CDK6: variants seen among roughly 807,000 people sequenced by gnomAD.
CDK6 encodes cyclin-dependent kinase 6.
Under a neutral mutation model 37.1 loss-of-function variants are expected in CDK6, and 6 were observed. The ratio of observed to expected loss-of-function variants is 0.16; its 90% CI spans 0.09 to 0.32. The LOEUF is 0.32. Among genes scored for constraint, CDK6 ranks in the 10% least tolerant of loss-of-function variants. CDK6 has a pLI of 1.00. For synonymous variants in CDK6, 160 were observed against 161.3 expected (o/e 0.99, Z 0.06); for missense variants, 224 against 418.9 (o/e 0.53, Z 4.06).
chr7:92,750,909 T>A (rs1041413047), intron 3 of CDK6, among the ~76,000 whole-genome samples: 2 of 152,200 alleles, frequency 1.3e-5, no homozygotes, highest in African/African-American at 4.8e-5. Context: ...TAATAAGCCA[T>A]TCATTCCTAG....
chr7:92,780,716 G>A lies in CDK6; in HGVS notation c.234-5885C>T, dbSNP rs142591995. On this transcript the variant is annotated intron_variant, in intron 2 of 7. Coordinates refer to ENST00000424848, the MANE Select transcript of CDK6 (RefSeq NM_001145306.2). ...GCAGAGCTTGCAGTGAGCCGAGACCGTGCCACTGCACTCCATCCAGCCTGG... is the reference window on the plus strand; with the variant it reads ...GCAGAGCTTGCAGTGAGCCGAGACCATGCCACTGCACTCCATCCAGCCTGG... 1.7e-3 allele frequency among the ~76,000 whole-genome samples: 250 copies of A among 148,334 alleles called. 1 individual carries two copies. Among genetic ancestry groups the A allele is most frequent in the African/African-American group, 5.1e-3 (207 of 40,378 alleles).
chr7:92,682,540 G>A (rs966058667), intron 4 of CDK6, among the ~76,000 whole-genome samples: 3 of 152,168 alleles, frequency 2.0e-5, no homozygotes, highest in African/African-American at 7.2e-5. Context: ...CGGTCTACTA[G>A]GCCCAAAGCC....
intron 4 of CDK6, among the ~76,000 whole-genome samples, chr7:92,683,694 T>C (rs986183418): frequency 2.0e-5 from 3 of 149,080 alleles, no homozygotes; most frequent in Non-Finnish European, 4.4e-5. Context: ...ATTTATAGTC[T>C]ACAGAGGACT....
At chr7:92,832,118 G>T (rs1015273080) in intron 2 of CDK6, among the ~76,000 whole-genome samples, 2 of 152,146 alleles carry the variant, frequency 1.3e-5, no homozygotes, top group African/African-American at 2.4e-5. Flanking sequence ...AAGTTTCTAG[G>T]CATTCCTTTT....
chr7:92,665,107 G>A (rs886501649), intron 5 of CDK6, among the ~76,000 whole-genome samples: 2 of 152,136 alleles, frequency 1.3e-5, no homozygotes, highest in South Asian at 2.1e-4. Flanking sequence ...TTCTAAATGT[G>A]CATTTTATGT....
chr7:92,659,880 T>C (rs977028851), intron 5 of CDK6, among the ~76,000 whole-genome samples: 12 of 152,136 alleles, frequency 7.9e-5, no homozygotes, highest in African/African-American at 2.9e-4. Flanking sequence ...AGGGTCTTTT[T>C]AAATCTCAGA....
chr7:92,732,132 T>C (rs964252631), intron 3 of CDK6, among the ~76,000 whole-genome samples: 2 of 152,142 alleles, frequency 1.3e-5, no homozygotes, highest in African/African-American at 4.8e-5. Context: ...ATAATGAAAT[T>C]TTAGGCCAGG....
At chr7:92,763,416 G>C (rs1799505566) in intron 3 of CDK6, among the ~76,000 whole-genome samples, 1 of 152,184 alleles carries the variant, frequency 6.6e-6, no homozygotes, top group Non-Finnish European at 1.5e-5. Flanking sequence ...TAAATCATTA[G>C]TGTATATGAA....
intron 2 of CDK6, among the ~76,000 whole-genome samples, chr7:92,804,039 T>C (rs182378597): frequency 6.6e-6 from 1 of 152,280 alleles, no homozygotes; most frequent in East Asian, 1.9e-4. Context: ...TCATATAGAT[T>C]AGTGACATTT....
intron 5 of CDK6, among the ~76,000 whole-genome samples, chr7:92,635,190 T>C (rs1796141555): frequency 6.6e-6 from 1 of 152,168 alleles, no homozygotes; most frequent in African/African-American, 2.4e-5. Context: ...AAAAGATTAA[T>C]CCTAGCTCCC....
At position 92,628,502 on chromosome 7, in the gene CDK6, A is replaced by G. The variant is rs559397388; in HGVS notation, c.648-5416T>C. ...ACTGAATTTACTGCCCAGTTTGGCT[A>G]TAATTGGAACTCAATTAATACATGC... is the stretch of plus-strand genomic sequence containing the variant. On this transcript the variant is annotated intron_variant, in intron 5 of 7. Coordinates refer to ENST00000424848, the MANE Select transcript of CDK6 (RefSeq NM_001145306.2). 1.0e-3 allele frequency among the ~76,000 whole-genome samples: 159 copies of G among 152,240 alleles called. 1 individual carries two copies. The highest frequency in any genetic ancestry group is 6.0e-3 in the Admixed American group (92 of 15,276).
Position 92,759,111 on chromosome 7 carries a change from C to G in CDK6, c.369+15585G>C, listed in dbSNP as rs1799387813. Among the ~76,000 whole-genome samples the G allele has an allele frequency of 2.0e-5, 3 of 152,298 alleles. No individual in the cohort carries two copies. In the East Asian group the frequency reaches 5.8e-4, roughly 29 times the overall value. On this transcript the variant is annotated intron_variant, in intron 3 of 7. Coordinates refer to ENST00000424848, the MANE Select transcript of CDK6 (RefSeq NM_001145306.2). Reference sequence around the variant, plus strand: ...AATTGTATTTTAAAAGGCAATCCAGCAAGCAGCTGAATATAACACACACCC... The same window carrying G: ...AATTGTATTTTAAAAGGCAATCCAGGAAGCAGCTGAATATAACACACACCC...
In CDK6 at chr7:92,833,150, G is replaced by T. The variant is rs781673425; in HGVS notation, c.174C>A (p.Thr58=). 1 of 1,609,326 alleles carries T rather than the reference G, an allele frequency of 6.2e-7. No homozygotes were observed. Among genetic ancestry groups the T allele is most frequent in the African/African-American group, 1.3e-5 (1 of 74,976 alleles). ...GCCTCAGCACCGCCACCTCGCGGAT[G>T]GTGGAGAGCGGCATGCCCTCCTCGC... ...QTGEEGMPLS[T]IREVAVLRHL... The change falls in exon 2 of 8, where the codon ACC becomes ACA. Residue 58 remains threonine, a synonymous_variant. Transcript: ENST00000424848. This position sits in a 1 kb window ranked among gnomAD's most constrained non-coding sequence, Gnocchi z 6.1.
At chr7:92,643,078 G>C (rs988821178) in intron 5 of CDK6, among the ~76,000 whole-genome samples, 1 of 151,986 alleles carries the variant, frequency 6.6e-6, no homozygotes, top group Non-Finnish European at 1.5e-5. Flanking sequence ...GTAGAGACAG[G>C]GTTTGGCCAT....
intron 4 of CDK6, among the ~76,000 whole-genome samples, chr7:92,681,622 A>G (rs1359227006): frequency 1.3e-5 from 2 of 152,188 alleles, no homozygotes; most frequent in African/African-American, 4.8e-5. Context: ...TAGGAAAGCA[A>G]TGAGTTAAAT....
At chr7:92,701,409 C>T (rs1386102273) in intron 4 of CDK6, among the ~76,000 whole-genome samples, 1 of 146,100 alleles carries the variant, frequency 6.8e-6, no homozygotes, top group Non-Finnish European at 1.5e-5. Flanking sequence ...AGCTTACACA[C>T]TTTTTTTTTT....
chr7:92,608,351 T>C lies in CDK6; in HGVS notation c.*6789A>G, dbSNP rs1795477778. 8.6e-6 allele frequency: 2 copies of C among 231,874 alleles called. No individual in the cohort carries two copies. The highest frequency in any genetic ancestry group is 1.2e-4 in the East Asian group (2 of 16,270). 14.4% of individuals were successfully genotyped at this position (231,874 alleles called of 1,614,324 possible). Reference sequence around the variant, plus strand: ...ATGAGATAATTTGTTTACATACCTTTAATTACCTAACAAAGAAAAAGAGAG... The same window carrying C: ...ATGAGATAATTTGTTTACATACCTTCAATTACCTAACAAAGAAAAAGAGAG... On this transcript the variant is annotated 3_prime_UTR_variant, in exon 8 of 8. Transcript: ENST00000424848.
At chr7:92,623,297 T>C (rs979829981) in intron 5 of CDK6, among the ~76,000 whole-genome samples, 1 of 152,162 alleles carries the variant, frequency 6.6e-6, no homozygotes, top group Non-Finnish European at 1.5e-5. Context: ...TGGTGGTAGA[T>C]GAATTCCATG....
chr7:92,623,259 G>A (rs1400998228), intron 5 of CDK6, among the ~76,000 whole-genome samples, 173 bp from the exon 6 acceptor site: 1 of 152,108 alleles, frequency 6.6e-6, no homozygotes, highest in Non-Finnish European at 1.5e-5. Flanking sequence ...TGCATTTCAT[G>A]TATGGGTTAG....
Sources: allele counts gnomAD v4.1 joint callset (sites outside exome capture counted in the v4.1 genomes callset), GRCh38; gene constraint gnomAD v4.1.1; non-coding constraint Gnocchi (gnomAD v3.1); transcripts MANE v1.5; gene names NCBI Gene and HGNC (gene_info 2026-07-23, HGNC 2026-07-21).